GRM8: variants seen among roughly 807,000 people sequenced by gnomAD.
GRM8 encodes the protein metabotropic glutamate receptor 8.
In GRM8, 47 loss-of-function variants were observed where a neutral mutation model predicts 87.2. The ratio of observed to expected loss-of-function variants is 0.54; its 90% CI spans 0.43 to 0.69. GRM8 has a LOEUF of 0.69. GRM8 is among the 30% of genes least tolerant of loss of function. GRM8 has a pLI of 0.00. For synonymous variants in GRM8, 396 were observed against 404.5 expected (o/e 0.98, Z 0.25); for missense variants, 1,019 against 1,139.2 (o/e 0.89, Z 1.52).
chr7:126,953,111 G>A (rs1414341319), intron 3 of GRM8, among the ~76,000 whole-genome samples: 2 of 152,024 alleles, frequency 1.3e-5, no homozygotes, highest in South Asian at 2.1e-4. Context: ...AAAGTTAAAA[G>A]AAAAGGTATT....
intron 7 of GRM8, among the ~76,000 whole-genome samples, chr7:126,637,993 C>T (rs1802024643): frequency 6.6e-6 from 1 of 151,948 alleles, no homozygotes; most frequent in Admixed American, 6.6e-5. Flanking sequence ...TCCCATTCCT[C>T]CTATCTCCTG....
chr7:126,895,192 T>C (rs1363010275), intron 6 of GRM8, among the ~76,000 whole-genome samples: 1 of 152,122 alleles, frequency 6.6e-6, no homozygotes, highest in Non-Finnish European at 1.5e-5. Context: ...CAAGTAAGTA[T>C]ATAAAGCTGG....
rs375976374 is a variant in GRM8, at chr7:126,446,344, A to G, written c.2459T>C (p.Val820Ala). ...KMYIQTTTLT[V>A]SMSLSASVSL... ...TACTGAAGCACTTAAACTCATGGAG[A>G]CAGTAAGTGTTGTTGTCTGGATGTA... Residue 820 changes from valine to alanine, a missense_variant, in exon 10 of 11, where the codon GTC becomes GCC. Transcript: ENST00000339582. 1.4e-5 allele frequency: 23 copies of G among 1,609,512 alleles called. No individual in the cohort carries two copies. In the African/African-American group the frequency reaches 2.7e-4, roughly 19 times the overall value.
At chr7:126,588,071 A>C (rs773808617) in intron 8 of GRM8, among the ~76,000 whole-genome samples, 2 of 152,228 alleles carry the variant, frequency 1.3e-5, no homozygotes, top group Non-Finnish European at 2.9e-5. Context: ...TAATGGCTTC[A>C]TCTAGAACTC....
At chr7:126,878,144 C>T (rs996970078) in intron 6 of GRM8, among the ~76,000 whole-genome samples, 1 of 152,176 alleles carries the variant, frequency 6.6e-6, no homozygotes, top group African/African-American at 2.4e-5. Context: ...GACCACCCCA[C>T]AGCCCCACCA....
At chr7:127,058,161 T>C (rs763065093) in intron 3 of GRM8, 3 of 522,292 alleles carry the variant, frequency 5.7e-6, no homozygotes, top group African/African-American at 1.9e-5. Flanking sequence ...TCATCGCATA[T>C]TGACACAATG....
At chr7:126,448,941 C>T (rs1802317112) in intron 9 of GRM8, among the ~76,000 whole-genome samples, 1 of 151,794 alleles carries the variant, frequency 6.6e-6, no homozygotes, top group East Asian at 2.0e-4. Context: ...AGGTACTAGG[C>T]TTAATACATG....
intron 8 of GRM8, among the ~76,000 whole-genome samples, chr7:126,554,827 A>T (rs182307597): frequency 6.6e-6 from 1 of 152,184 alleles, no homozygotes; most frequent in Non-Finnish European, 1.5e-5. Flanking sequence ...ACTAAATTAC[A>T]TAACTTTGTT....
chr7:126,723,682 T>C (rs1016129954), intron 7 of GRM8, among the ~76,000 whole-genome samples: 4 of 152,152 alleles, frequency 2.6e-5, no homozygotes, highest in Admixed American at 2.0e-4. Context: ...CAAATGAAAG[T>C]GTAGTTATAC....
At chr7:126,868,416 G>A (rs1798796685) in intron 6 of GRM8, among the ~76,000 whole-genome samples, 1 of 152,194 alleles carries the variant, frequency 6.6e-6, no homozygotes, top group Admixed American at 6.5e-5. Context: ...CCCTTAAGGG[G>A]CCTAGAAAAT....
chr7:126,824,830 A>G (rs1794614329), intron 6 of GRM8, among the ~76,000 whole-genome samples: 1 of 152,228 alleles, frequency 6.6e-6, no homozygotes, highest in African/African-American at 2.4e-5. Flanking sequence ...AACTGTTAGC[A>G]GTCCCATTAT....
At chr7:126,472,894 A>G (rs1038972697) in intron 9 of GRM8, among the ~76,000 whole-genome samples, 1 of 152,210 alleles carries the variant, frequency 6.6e-6, no homozygotes, top group Non-Finnish European at 1.5e-5. Context: ...GGTACAAGCC[A>G]CAAGCTTTGG....
chr7:126,445,455 T>G (rs1010154909), intron 10 of GRM8: 3 of 152,294 alleles, frequency 2.0e-5, no homozygotes, highest in African/African-American at 7.2e-5. Context: ...CTGGGTGGAC[T>G]GTAGAGACGA....
intron 3 of GRM8, among the ~76,000 whole-genome samples, chr7:126,914,719 G>T (rs1803702842): frequency 6.6e-6 from 1 of 152,060 alleles, no homozygotes; most frequent in Non-Finnish European, 1.5e-5. Context: ...GCTAAATCTT[G>T]GCTACACACA....
chr7:126,824,076 G>A (rs1794536125), intron 6 of GRM8, among the ~76,000 whole-genome samples: 2 of 151,988 alleles, frequency 1.3e-5, no homozygotes, highest in Admixed American at 6.6e-5. Context: ...ATAAATATAG[G>A]ATATCTAAAA....
chr7:126,687,575 T>C (rs1203384724), intron 7 of GRM8, among the ~76,000 whole-genome samples: 1 of 151,694 alleles, frequency 6.6e-6, no homozygotes, highest in African/African-American at 2.4e-5. Context: ...TATGCCTTGT[T>C]GTAAATGGAT....
chr7:126,938,756 G>A (rs1399645601), intron 3 of GRM8, among the ~76,000 whole-genome samples: 1 of 152,106 alleles, frequency 6.6e-6, no homozygotes, highest in African/African-American at 2.4e-5. Flanking sequence ...ACTCAAGAAG[G>A]AATCCCATAA....
At chr7:126,593,692 T>C (rs1796900323) in intron 8 of GRM8, among the ~76,000 whole-genome samples, 1 of 151,922 alleles carries the variant, frequency 6.6e-6, no homozygotes, top group Admixed American at 6.6e-5. Flanking sequence ...GTCTAAGTAA[T>C]GACTTTTTGG....
intron 4 of GRM8, 72 bp downstream of exon 4, chr7:126,904,476 A>G: frequency 7.1e-7 from 1 of 1,412,190 alleles, no homozygotes; most frequent in South Asian, 1.2e-5. Context: ...TTTATGTTGA[A>G]CATGAAATAT....
Sources: allele counts gnomAD v4.1 joint callset (sites outside exome capture counted in the v4.1 genomes callset), GRCh38; gene constraint gnomAD v4.1.1; transcripts MANE v1.5; gene names NCBI Gene and HGNC (gene_info 2026-07-23, HGNC 2026-07-21).